The following BTBD16 variants were observed in gnomAD, a reference collection of about 807,000 sequenced individuals.
The protein encoded by BTBD16 is BTB domain containing 16, also known as BTB/POZ domain-containing protein 16.
A neutral mutation model predicts 67.4 loss-of-function variants in BTBD16; 66 were observed. That is an observed-to-expected ratio of 0.98 (90% CI 0.80 to 1.20). The LOEUF is 1.20. Ranked by LOEUF, BTBD16 falls within the 50% of genes most tolerant of loss-of-function variation. The pLI is 0.00. For missense variants in BTBD16, 634 were observed against 616.0 expected, an observed-to-expected ratio of 1.03 and a Z score of -0.31; for synonymous variants, 242 against 236.4, an observed-to-expected ratio of 1.02 and a Z score of -0.22.
chr10:122,295,004 C>T (rs1307898299), intron 7 of BTBD16, among the ~76,000 whole-genome samples: 1 of 152,248 alleles, frequency 6.6e-6, no homozygotes, highest in Non-Finnish European at 1.5e-5. Context: ...TTGGGCTTCA[C>T]CCTCTGCTGA....
chr10:122,289,776 C>A (rs183367378), intron 5 of BTBD16, 133 bp from the exon 6 acceptor site: 391 of 545,884 alleles, frequency 7.2e-4, no homozygotes, highest in African/African-American at 6.5e-3. Flanking sequence ...TTAATTACAT[C>A]TATGAAACAA....
chr10:122,326,903 T>C (rs1360284641), intron 10 of BTBD16, among the ~76,000 whole-genome samples: 2 of 152,202 alleles, frequency 1.3e-5, no homozygotes, highest in Non-Finnish European at 2.9e-5. Context: ...AGGGAAACCA[T>C]GCCAGTCTTT....
chr10:122,291,348 A>T, intron 7 of BTBD16, 154 bp downstream of exon 7: 1 of 983,188 alleles, frequency 1.0e-6, no homozygotes, highest in Non-Finnish European at 1.4e-6. Flanking sequence ...AAAGGAACTG[A>T]GACACTAATT....
At chr10:122,323,331 G>T (rs1002756980) in intron 10 of BTBD16, among the ~76,000 whole-genome samples, 1 of 152,154 alleles carries the variant, frequency 6.6e-6, no homozygotes, top group Admixed American at 6.5e-5. Flanking sequence ...TAGGCATTAC[G>T]GTGTGTGTGC....
rs776344285 is a variant in BTBD16, at chr10:122,291,090, G to A, written c.486G>A (p.Thr162=). ...DPLVTKVAFA[T]ALKNLYMSEV... Reference sequence around the variant, plus strand: ...GCTGTGCCTCCCCAGCCTTCGCCACGGCCCTGAAGAACCTCTACATGAGTG... The same window carrying A: ...GCTGTGCCTCCCCAGCCTTCGCCACAGCCCTGAAGAACCTCTACATGAGTG... Residue 162 remains threonine (T), a synonymous_variant, in exon 7 of 16, where the codon ACG becomes ACA. Transcript: ENST00000260723. The A allele has an allele frequency of 4.3e-6, 7 of 1,610,950 alleles. No individual in the cohort carries two copies. Among genetic ancestry groups the A allele is most frequent in the South Asian group, 1.1e-5 (1 of 90,354 alleles).
chr10:122,282,228 G>A (rs987370178), intron 3 of BTBD16, among the ~76,000 whole-genome samples: 1 of 152,164 alleles, frequency 6.6e-6, no homozygotes, highest in East Asian at 1.9e-4. Flanking sequence ...TGGGATCACG[G>A]TCTGAACTCT....
At chr10:122,278,036 C>T (rs150982970) in intron 3 of BTBD16, among the ~76,000 whole-genome samples, 2 of 152,122 alleles carry the variant, frequency 1.3e-5, no homozygotes, top group South Asian at 2.1e-4. Context: ...CTTTCTTCAG[C>T]GAGTAGCCAA....
At chr10:122,273,080 T>C (rs563095994) in intron 1 of BTBD16, among the ~76,000 whole-genome samples, 6 of 152,248 alleles carry the variant, frequency 3.9e-5, no homozygotes, top group South Asian at 2.1e-4. Context: ...ACAACACTTA[T>C]AAATTGGTGA....
chr10:122,295,842 G>T (rs1015590534), intron 7 of BTBD16, among the ~76,000 whole-genome samples: 1 of 152,100 alleles, frequency 6.6e-6, no homozygotes, highest in African/African-American at 2.4e-5. Context: ...CACACAAGGG[G>T]GTAGAGTGCC....
At position 122,337,998 on chromosome 10, in the gene BTBD16, G is replaced by A; in HGVS notation, c.1453-19G>A. The A allele has an allele frequency of 6.3e-7, 1 of 1,595,818 alleles. No homozygotes were observed. The highest frequency in any genetic ancestry group is 8.6e-7 in the Non-Finnish European group (1 of 1,164,902). ...TCATCCTAAAAGTCACATTCACTTT[G>A]TTTTTTTTCATGTTTTAGACCTTGA... On this transcript the variant is annotated intron_variant, in intron 15 of 15. Coordinates refer to ENST00000260723, the MANE Select transcript of BTBD16 (RefSeq NM_144587.5).
chr10:122,333,977 G>T (rs1004459352), intron 13 of BTBD16, among the ~76,000 whole-genome samples: 1 of 152,002 alleles, frequency 6.6e-6, no homozygotes, highest in Non-Finnish European at 1.5e-5. Flanking sequence ...TTAATATGTG[G>T]TATAGAATTT....
At chr10:122,331,302 G>T (rs911031583) in intron 12 of BTBD16, 44 bp downstream of exon 12, 1 of 1,604,036 alleles carries the variant, frequency 6.2e-7, no homozygotes, top group African/African-American at 1.3e-5. Context: ...GAAGTTTATT[G>T]CCTCTCTGAC....
chr10:122,285,935 C>T (rs1235843443), intron 4 of BTBD16, among the ~76,000 whole-genome samples, 170 bp from the exon 5 acceptor site: 1 of 151,556 alleles, frequency 6.6e-6, no homozygotes, highest in Non-Finnish European at 1.5e-5. Flanking sequence ...CCACTAAGCC[C>T]CCGAGGCCCA....
At chr10:122,279,525 C>CACACACACACACAG (rs1283692749) in intron 3 of BTBD16, among the ~76,000 whole-genome samples, 2 of 151,570 alleles carry the variant, frequency 1.3e-5, no homozygotes, top group Admixed American at 1.3e-4. Context: ...CACACACACA[C>CACACACACACACAG]ACACACACAC....
chr10:122,307,709 G>T (rs528342522), intron 10 of BTBD16, among the ~76,000 whole-genome samples: 1 of 152,234 alleles, frequency 6.6e-6, no homozygotes, highest in East Asian at 1.9e-4. Context: ...ACCTTGTTAG[G>T]TTTGTGTTTC....
At chr10:122,301,297 C>T (rs1018961757) in intron 9 of BTBD16, among the ~76,000 whole-genome samples, 1 of 152,114 alleles carries the variant, frequency 6.6e-6, no homozygotes, top group Non-Finnish European at 1.5e-5. Context: ...GGAAGGTTAG[C>T]GGTGGGATAA....
At chr10:122,305,526 C>T (rs1305626883) in intron 9 of BTBD16, among the ~76,000 whole-genome samples, 1 of 152,178 alleles carries the variant, frequency 6.6e-6, no homozygotes, top group Non-Finnish European at 1.5e-5. Context: ...CATCCTCCTC[C>T]CCCTTTACCT....
intron 10 of BTBD16, among the ~76,000 whole-genome samples, chr10:122,316,519 A>G (rs979933898): frequency 6.6e-6 from 1 of 152,164 alleles, no homozygotes; most frequent in Non-Finnish European, 1.5e-5. Flanking sequence ...ATAGCCTACT[A>G]CACACCTGGG....
At chr10:122,324,835 G>C (rs2096441573) in intron 10 of BTBD16, among the ~76,000 whole-genome samples, 2 of 152,162 alleles carry the variant, frequency 1.3e-5, no homozygotes, top group Admixed American at 6.5e-5. Context: ...GTTGCTTCTT[G>C]GCTTCCCAGG....
Sources: gnomAD v4.1 joint callset for allele counts (sites outside exome capture counted in the v4.1 genomes callset) on GRCh38, gnomAD v4.1.1 for gene constraint, MANE v1.5 for transcripts, NCBI Gene and HGNC (gene_info 2026-07-23, HGNC 2026-07-21) for gene names.